EIF3L: variants seen among roughly 807,000 people sequenced by gnomAD.
The protein encoded by EIF3L is eIEF associated protein HSPC021.
In EIF3L, 32 loss-of-function variants were observed where a neutral mutation model predicts 74.6. That is an observed-to-expected ratio of 0.43 (90% CI 0.32 to 0.58). The LOEUF is 0.58. EIF3L is among the 20% of genes least tolerant of loss of function. EIF3L has a pLI of 0.06. For missense variants in EIF3L, 474 were observed against 707.8 expected (o/e 0.67, Z 3.75); for synonymous variants, 256 against 254.4 (o/e 1.01, Z -0.06).
chr22:37,876,206 G>A (rs901035124), intron 10 of EIF3L, 195 bp downstream of exon 10: 11 of 557,460 alleles, frequency 2.0e-5, no homozygotes, highest in Admixed American at 3.5e-5. Flanking sequence ...CACAGCTCAC[G>A]TCAGCCTCAA....
At chr22:37,874,585 AC>A in intron 9 of EIF3L, 61 bp downstream of exon 9, 2 of 1,543,556 alleles carry the variant, frequency 1.3e-6, no homozygotes, top group Admixed American at 3.8e-5. Flanking sequence ...CTAGAGAACC[AC>A]TCTGATCTCT....
chr22:37,868,377 G>A (rs897909178), intron 7 of EIF3L, among the ~76,000 whole-genome samples: 3 of 150,654 alleles, frequency 2.0e-5, no homozygotes, highest in Admixed American at 6.6e-5. Context: ...CACCCATCTC[G>A]GCCTCCCAAA....
At chr22:37,872,609 C>T (rs537847481) in intron 8 of EIF3L, among the ~76,000 whole-genome samples, 2 of 152,068 alleles carry the variant, frequency 1.3e-5, no homozygotes, top group Non-Finnish European at 2.9e-5. Context: ...TCCATTTTTG[C>T]TTAATAGCTT....
intron 8 of EIF3L, among the ~76,000 whole-genome samples, chr22:37,870,634 G>C (rs1049818827): frequency 1.3e-5 from 2 of 152,174 alleles, no homozygotes; most frequent in African/African-American, 4.8e-5. Context: ...CTTCTCACAC[G>C]TGTTGGTGTC....
At chr22:37,880,157 G>C (rs1331360723) in intron 11 of EIF3L, 1 of 151,638 alleles carries the variant, frequency 6.6e-6, no homozygotes, top group Non-Finnish European at 1.5e-5. Flanking sequence ...CTGTCGCCTA[G>C]GCTGGAGTGC....
chr22:37,885,278 T>C (rs1927261190), intron 11 of EIF3L: 1 of 152,096 alleles, frequency 6.6e-6, no homozygotes, highest in Admixed American at 6.6e-5. Flanking sequence ...TATAGTAGCC[T>C]CCTGCATTCC....
At chr22:37,864,038 C>A (rs1242571827) in intron 7 of EIF3L, among the ~76,000 whole-genome samples, 2 of 151,668 alleles carry the variant, frequency 1.3e-5, no homozygotes, top group African/African-American at 4.8e-5. Context: ...GCACTCCAGC[C>A]TGGTAACAGT....
intron 7 of EIF3L, among the ~76,000 whole-genome samples, chr22:37,868,109 G>GTTTTTTTTTTT (rs1926257864): frequency 7.8e-6 from 1 of 128,718 alleles, no homozygotes; most frequent in African/African-American, 3.0e-5. Context: ...TTCTTTGTAG[G>GTTTTTTTTTTT]ATTTTTTTTT....
chr22:37,869,984 G>A (rs1926385530), intron 7 of EIF3L, among the ~76,000 whole-genome samples, 192 bp from the exon 8 acceptor site: 1 of 152,148 alleles, frequency 6.6e-6, no homozygotes, highest in Non-Finnish European at 1.5e-5. Context: ...ATTCAGTAAT[G>A]AACAGAATTC....
intron 6 of EIF3L, 65 bp downstream of exon 6, chr22:37,863,103 CTTTTT>C: frequency 8.4e-5 from 86 of 1,025,306 alleles, no homozygotes; most frequent in Admixed American, 1.2e-4. Flanking sequence ...TGGCCTCCAG[CTTTTT>C]TTTTTTTTTT....
chr22:37,865,888 C>G (rs763931041), intron 7 of EIF3L, among the ~76,000 whole-genome samples: 1 of 152,180 alleles, frequency 6.6e-6, no homozygotes, highest in Non-Finnish European at 1.5e-5. Context: ...TCATAATTCC[C>G]TGGGCTTAGC....
chr22:37,874,318 TG>T, intron 8 of EIF3L, 51 bp from the exon 9 acceptor site: 1 of 1,580,378 alleles, frequency 6.3e-7, no homozygotes, highest in Non-Finnish European at 8.6e-7. Context: ...AGGTCAGGTG[TG>T]CCTGCCTTTA....
At chr22:37,852,650 T>G (rs1925287779) in intron 3 of EIF3L, among the ~76,000 whole-genome samples, 1 of 152,126 alleles carries the variant, frequency 6.6e-6, no homozygotes, top group Non-Finnish European at 1.5e-5. Flanking sequence ...AAGAGCTGAT[T>G]GTAGTTGAAA....
chr22:37,870,506 G>A (rs538439608), intron 8 of EIF3L, among the ~76,000 whole-genome samples, 159 bp downstream of exon 8: 1 of 152,158 alleles, frequency 6.6e-6, no homozygotes, highest in East Asian at 1.9e-4. Context: ...CAGTAGCAGA[G>A]TATTTGTGCT....
rs562638057 is a variant in EIF3L, at chr22:37,859,966, C to T, written c.435+1226C>T. Among the ~76,000 whole-genome samples the T allele has an allele frequency of 1.9e-3, 288 of 152,056 alleles. 2 individuals are homozygous for T. Among genetic ancestry groups the T allele is most frequent in the Non-Finnish European group, 3.0e-3 (204 of 67,976 alleles). On this transcript the variant is annotated intron_variant, in intron 5 of 12. Coordinates refer to ENST00000652021, the MANE Select transcript of EIF3L (RefSeq NM_016091.4). ...AGCGGAGGTTGCAGTGAGCCGAGAT[C>T]GTACCACTGCACTCCAGCCTGGGTG...
chr22:37,854,822 G>T (rs573882720), intron 3 of EIF3L, among the ~76,000 whole-genome samples: 3 of 152,178 alleles, frequency 2.0e-5, no homozygotes, highest in Non-Finnish European at 4.4e-5. Context: ...CCCCCATCCC[G>T]TAGAGACAGG....
intron 7 of EIF3L, among the ~76,000 whole-genome samples, chr22:37,865,180 A>G (rs1353550273): frequency 6.6e-6 from 1 of 152,128 alleles, no homozygotes; most frequent in Non-Finnish European, 1.5e-5. Context: ...CAAAACATAA[A>G]ATAGGCTGGG....
At chr22:37,849,815 C>T in intron 1 of EIF3L, 200 bp from the exon 2 acceptor site, 6 of 632,974 alleles carry the variant, frequency 9.5e-6, no homozygotes, top group Non-Finnish European at 1.4e-5. Context: ...CTTTGCTCCA[C>T]CTCATTGCAC....
chr22:37,874,548 C>G, intron 9 of EIF3L, 24 bp downstream of exon 9: 1 of 1,605,010 alleles, frequency 6.2e-7, no homozygotes, highest in Non-Finnish European at 8.5e-7. Flanking sequence ...CCTCTGGCCC[C>G]TCTTGCCAGA....
Sources: gnomAD v4.1 joint callset for allele counts (sites outside exome capture counted in the v4.1 genomes callset) on GRCh38, gnomAD v4.1.1 for gene constraint, MANE v1.5 for transcripts, NCBI Gene and HGNC (gene_info 2026-07-23, HGNC 2026-07-21) for gene names.